Variants in KCNK1 observed in about 807,000 individuals in gnomAD.
KCNK1 encodes the protein potassium two pore domain channel subfamily K member 1.
A neutral mutation model predicts 22.2 loss-of-function variants in KCNK1; 10 were observed. That is an observed-to-expected ratio of 0.45 (90% CI 0.28 to 0.76). The LOEUF (loss-of-function observed/expected upper bound fraction) is 0.76. Ranked by LOEUF, KCNK1 falls within the 30% of genes least tolerant of loss-of-function variation. KCNK1 has a pLI of 0.14. For synonymous variants in KCNK1, 200 were observed against 186.4 expected (o/e 1.07, Z -0.60); for missense variants, 378 against 421.0 (o/e 0.90, Z 0.89).
Position 233,614,303 on chromosome 1 carries a change from G to A in KCNK1, c.132G>A (p.Val44=). Residue 44 remains valine, a synonymous_variant, in exon 1 of 3, where the codon GTG becomes GTA. Transcript: ENST00000366621. ...TCGGCGCAGTGGTCTTCTCCTCGGT[G>A]GAGCTGCCCTATGAGGACCTGCTGC... The part of the protein sequence containing the change: ...LVFGAVVFSS[V]ELPYEDLLRQ... 6.2e-7 allele frequency: 1 copy of A among 1,613,046 alleles called. No homozygotes were observed. The highest frequency in any genetic ancestry group is 1.1e-5 in the South Asian group (1 of 90,774).
intron 1 of KCNK1, among the ~76,000 whole-genome samples, chr1:233,620,414 G>A (rs190765165): frequency 5.7e-4 from 87 of 152,316 alleles, no homozygotes; most frequent in Middle Eastern, 3.4e-3. Context: ...TAAGTGGTAT[G>A]CAACATTGAA....
intron 1 of KCNK1, chr1:233,630,018 C>T (rs551646354): frequency 6.6e-6 from 1 of 152,270 alleles, no homozygotes; most frequent in Non-Finnish European, 1.5e-5. Context: ...TGTCTCTTCA[C>T]CTCCTGATAC....
At chr1:233,642,756 C>G (rs6698577) in intron 1 of KCNK1, among the ~76,000 whole-genome samples, 110,961 of 151,774 alleles carry the variant, frequency 0.73, 40,738 homozygotes, top group Admixed American at 0.81. Context: ...TCCAAAGTCA[C>G]TGGCTCTTGG....
chr1:233,656,927 G>A (rs990652057), intron 1 of KCNK1, among the ~76,000 whole-genome samples: 5 of 152,244 alleles, frequency 3.3e-5, no homozygotes, highest in African/African-American at 7.2e-5. Context: ...CCAAAGCTTC[G>A]TTTTAAGTCT....
intron 1 of KCNK1, among the ~76,000 whole-genome samples, chr1:233,622,964 C>T (rs961385242): frequency 6.6e-6 from 1 of 152,088 alleles, no homozygotes; most frequent in African/African-American, 2.4e-5. Context: ...GCCTCTGAGA[C>T]TCAGTTATTA....
Position 233,614,383 on chromosome 1 carries a change from C to G in KCNK1, c.212C>G (p.Ser71Cys). 6.2e-7 allele frequency: 1 copy of G among 1,611,296 alleles called. No individual in the cohort carries two copies. The highest frequency in any genetic ancestry group is 8.5e-7 in the Non-Finnish European group (1 of 1,178,856). Residue 71 changes from serine (S) to cysteine (C), a missense_variant, in exon 1 of 3, where the codon TCT becomes TGT. Coordinates refer to ENST00000366621, the MANE Select transcript of KCNK1 (RefSeq NM_002245.4). ...RRFLEEHECL[S>C]EQQLEQFLGR... ...TTCTTGGAGGAGCACGAGTGCCTGTCTGAGCAGCAGCTGGAGCAGTTCCTG... is the reference window on the plus strand; with the variant it reads ...TTCTTGGAGGAGCACGAGTGCCTGTGTGAGCAGCAGCTGGAGCAGTTCCTG...
At chr1:233,635,303 A>G (rs183302686) in intron 1 of KCNK1, among the ~76,000 whole-genome samples, 1 of 152,344 alleles carries the variant, frequency 6.6e-6, no homozygotes, top group African/African-American at 2.4e-5. Flanking sequence ...TAAAAGCCAT[A>G]TTTAGTGTTT....
intron 1 of KCNK1, among the ~76,000 whole-genome samples, chr1:233,637,999 G>GA (rs34708464): frequency 0.55 from 80,112 of 146,864 alleles, 23,614 homozygotes; most frequent in Non-Finnish European, 0.67. Context: ...GTGGAAAAAT[G>GA]AAAAAAAAAA....
At chr1:233,645,082 T>C (rs1215043444) in intron 1 of KCNK1, among the ~76,000 whole-genome samples, 1 of 151,444 alleles carries the variant, frequency 6.6e-6, no homozygotes, top group Non-Finnish European at 1.5e-5. Context: ...TAGTCCCAGC[T>C]ACTTGGAAGG....
chr1:233,669,612 C>T (rs146716927), intron 2 of KCNK1, among the ~76,000 whole-genome samples: 42 of 152,172 alleles, frequency 2.8e-4, no homozygotes, highest in African/African-American at 8.7e-4. Flanking sequence ...CTTTGGGAGA[C>T]GAAGGCAGGC....
intron 2 of KCNK1, among the ~76,000 whole-genome samples, chr1:233,669,504 G>C (rs904113703): frequency 1.3e-5 from 2 of 152,080 alleles, no homozygotes; most frequent in African/African-American, 4.8e-5. Context: ...CCCTGTTTTT[G>C]TCTGAAACCC....
At chr1:233,659,991 A>G (rs911429580) in intron 1 of KCNK1, among the ~76,000 whole-genome samples, 3 of 152,230 alleles carry the variant, frequency 2.0e-5, no homozygotes, top group Admixed American at 2.0e-4. Context: ...TGCCATTTTC[A>G]TGTTTCAGAA....
At chr1:233,625,718 T>G (rs577778343) in intron 1 of KCNK1, among the ~76,000 whole-genome samples, 23 of 152,272 alleles carry the variant, frequency 1.5e-4, no homozygotes, top group African/African-American at 4.8e-4. Context: ...TCCAGGATCG[T>G]AGTCTTCCAT....
chr1:233,627,438 A>G (rs1379218604), intron 1 of KCNK1, among the ~76,000 whole-genome samples: 2 of 152,366 alleles, frequency 1.3e-5, no homozygotes, highest in Middle Eastern at 6.8e-3. Flanking sequence ...AAGAACCTGG[A>G]GAGGCTGTTC....
At position 233,623,154 on chromosome 1, in the gene KCNK1, C is replaced by A. The variant is rs57319225; in HGVS notation, c.355+8628C>A. Among the ~76,000 whole-genome samples, 800 of 151,972 alleles carry A rather than the reference C, an allele frequency of 5.3e-3. 14 individuals carry two copies. The highest frequency in any genetic ancestry group is 0.018 in the African/African-American group (755 of 41,418). Reference sequence around the variant, plus strand: ...TCAAACAGTTTTTCTAATGCACTAACTTCTGGGATTATCTTTTCAAAAAGA... The same window carrying A: ...TCAAACAGTTTTTCTAATGCACTAAATTCTGGGATTATCTTTTCAAAAAGA... On this transcript the variant is annotated intron_variant, in intron 1 of 2. Transcript: ENST00000366621.
At chr1:233,668,100 T>G (rs1372466236) in intron 2 of KCNK1, among the ~76,000 whole-genome samples, 1 of 152,226 alleles carries the variant, frequency 6.6e-6, no homozygotes, top group Non-Finnish European at 1.5e-5. Flanking sequence ...CAAGAAACTG[T>G]TCATTTCTGT....
chr1:233,632,695 C>T (rs148892688), intron 1 of KCNK1, among the ~76,000 whole-genome samples: 336 of 152,256 alleles, frequency 2.2e-3, no homozygotes, highest in African/African-American at 7.1e-3. Context: ...GGTGCTTCTG[C>T]TGTCCACTCA....
intron 1 of KCNK1, among the ~76,000 whole-genome samples, chr1:233,632,508 A>G (rs1218444975): frequency 6.6e-6 from 1 of 151,990 alleles, no homozygotes; most frequent in Non-Finnish European, 1.5e-5. Flanking sequence ...AGCTGCCAAC[A>G]GTTCTTGTCA....
At chr1:233,662,933 T>C (rs1346278215) in intron 1 of KCNK1, among the ~76,000 whole-genome samples, 3 of 152,174 alleles carry the variant, frequency 2.0e-5, no homozygotes, top group Non-Finnish European at 4.4e-5. Context: ...AAATTCTTCG[T>C]GGTTTGTAAT....
Sources: gnomAD v4.1 joint callset for allele counts (sites outside exome capture counted in the v4.1 genomes callset) on GRCh38, gnomAD v4.1.1 for gene constraint, MANE v1.5 for transcripts, NCBI Gene and HGNC (gene_info 2026-07-23, HGNC 2026-07-21) for gene names.